PRKCI: variants seen among roughly 807,000 people sequenced by gnomAD.
The protein encoded by PRKCI is protein kinase C iota type.
In PRKCI, 43 loss-of-function variants were observed where a neutral mutation model predicts 84.0. The observed-to-expected ratio is 0.51, with a 90% confidence interval of 0.40 to 0.66. The LOEUF (loss-of-function observed/expected upper bound fraction) is 0.66, where lower values mean the gene tolerates loss of function less well. Among genes scored for constraint, PRKCI ranks in the 30% least tolerant of loss-of-function variants. The pLI is 0.00. For synonymous variants in PRKCI, 216 were observed against 234.4 expected, an observed-to-expected ratio of 0.92 and a Z score of 0.72; for missense variants, 459 against 745.6, an observed-to-expected ratio of 0.62 and a Z score of 4.48.
chr3:170,259,826 G>C (rs1043648105), intron 2 of PRKCI, 143 bp from the exon 3 acceptor site: 2 of 413,324 alleles, frequency 4.8e-6, no homozygotes, highest in African/African-American at 4.2e-5. Flanking sequence ...ATAATAATAA[G>C]TAAATAAATA....
At chr3:170,241,032 A>G (rs1224415800) in intron 2 of PRKCI, among the ~76,000 whole-genome samples, 2 of 152,190 alleles carry the variant, frequency 1.3e-5, no homozygotes, top group African/African-American at 4.8e-5. Context: ...TAACAAATGT[A>G]AGTTTTCAGT....
At chr3:170,289,667 C>CTTTT (rs1176163807) in intron 12 of PRKCI, among the ~76,000 whole-genome samples, 1 of 152,102 alleles carries the variant, frequency 6.6e-6, no homozygotes, top group Non-Finnish European at 1.5e-5. Flanking sequence ...AATCCCAGCA[C>CTTTT]TTTGGGAGGC....
intron 2 of PRKCI, among the ~76,000 whole-genome samples, chr3:170,257,397 C>G (rs1311140884): frequency 6.6e-6 from 1 of 152,020 alleles, no homozygotes; most frequent in Non-Finnish European, 1.5e-5. Flanking sequence ...TGGGCTAAAA[C>G]CTGGCAGCAG....
At chr3:170,235,205 A>G (rs1477230119) in intron 1 of PRKCI, 25 bp from the exon 2 acceptor site, 5 of 1,606,736 alleles carry the variant, frequency 3.1e-6, no homozygotes, top group Non-Finnish European at 4.3e-6. Context: ...TCATTTTCAA[A>G]CTGAAAACTC....
rs1307543818 is a variant in PRKCI, at chr3:170,263,404, T to C, written c.339T>C (p.Pro113=). 1.2e-6 allele frequency: 2 copies of C among 1,603,008 alleles called. No individual in the cohort carries two copies. Among genetic ancestry groups the C allele is most frequent in the African/African-American group, 1.3e-5 (1 of 74,710 alleles). ...IHVFPCVPER[P]GMPCPGEDKS... is the part of the protein sequence containing the mutation. ...TGTTCCCTTGTGTACCAGAACGTCC[T>C]GGGATGCCTTGTCCAGGAGAAGATA... is the stretch of plus-strand genomic sequence containing the variant. The change falls in exon 4 of 18, where the codon CCT becomes CCC. Residue 113 remains proline, a synonymous_variant. Transcript: ENST00000295797.
rs116267674 is a variant in PRKCI at position 170,226,464 on chromosome 3, A to T, written c.101+3694A>T. Among the ~76,000 whole-genome samples the T allele has an allele frequency of 5.1e-3, 770 of 152,326 alleles. 5 individuals carry two copies. Among genetic ancestry groups the T allele is most frequent in the African/African-American group, 0.018 (737 of 41,570 alleles). The stretch of plus-strand genomic sequence containing the variant: ...ATATAAAATTACTTGCTATTATGGG[A>T]TAGACTTTAACAAGGCAACATCTGG... On this transcript the variant is annotated intron_variant, in intron 1 of 17. Transcript: ENST00000295797.
intron 12 of PRKCI, among the ~76,000 whole-genome samples, chr3:170,285,783 C>T (rs886916162): frequency 1.3e-5 from 2 of 150,876 alleles, no homozygotes; most frequent in African/African-American, 2.4e-5. Context: ...CTCGCTCTGT[C>T]GTCCAGGCTG....
At position 170,267,972 on chromosome 3, in the gene PRKCI, A is replaced by G; in HGVS notation, c.422A>G (p.His141Arg). 1 of 1,613,036 alleles carries G rather than the reference A, an allele frequency of 6.2e-7. No individual in the cohort carries two copies. The highest frequency in any genetic ancestry group is 8.5e-7 in the Non-Finnish European group (1 of 1,179,572). ...RWRKLYCANG[H>R]TFQAKRFNRR... The stretch of plus-strand genomic sequence containing the variant: ...AGAAAGCTTTATTGTGCCAATGGCC[A>G]CACTTTCCAAGCCAAGCGTTTCAAC... Residue 141 changes from histidine to arginine, a missense_variant, in exon 5 of 18, where the codon CAC becomes CGC. Around this residue, in one of 2 missense-constraint regions of PRKCI, gnomAD observed 250 missense variants for 319.7 expected, o/e 0.78. Coordinates refer to ENST00000295797, the MANE Select transcript of PRKCI (RefSeq NM_002740.6).
intron 7 of PRKCI, among the ~76,000 whole-genome samples, chr3:170,275,016 C>T (rs1734079260): frequency 6.6e-6 from 1 of 152,024 alleles, no homozygotes; most frequent in African/African-American, 2.4e-5. Flanking sequence ...TCTCTTTACC[C>T]TCACTAAAGA....
chr3:170,232,249 C>T (rs1352719584), intron 1 of PRKCI, among the ~76,000 whole-genome samples: 1 of 152,102 alleles, frequency 6.6e-6, no homozygotes, highest in Non-Finnish European at 1.5e-5. Flanking sequence ...CAAGGTCTCC[C>T]TGTGTTGCCC....
At chr3:170,285,228 T>C (rs778472092) in intron 12 of PRKCI, among the ~76,000 whole-genome samples, 2 of 151,734 alleles carry the variant, frequency 1.3e-5, no homozygotes, top group African/African-American at 2.4e-5. Flanking sequence ...TACAGGCGCC[T>C]GCCACCACGC....
chr3:170,259,834 A>G (rs972568282), intron 2 of PRKCI, 135 bp from the exon 3 acceptor site: 1 of 439,608 alleles, frequency 2.3e-6, no homozygotes, highest in East Asian at 3.8e-5. Flanking sequence ...AAGTAAATAA[A>G]TATTTGTCCT....
At chr3:170,292,901 C>T (rs1235723849) in intron 13 of PRKCI, among the ~76,000 whole-genome samples, 1 of 148,802 alleles carries the variant, frequency 6.7e-6, no homozygotes, top group Non-Finnish European at 1.5e-5. Context: ...ATTAGCCGGG[C>T]GTGTTCACAG....
At chr3:170,263,304 AT>A in intron 3 of PRKCI, 74 bp from the exon 4 acceptor site, 1 of 1,315,154 alleles carries the variant, frequency 7.6e-7, no homozygotes, top group Non-Finnish European at 1.1e-6. Context: ...TTTCTTTTAC[AT>A]TTGAATTTTA....
intron 2 of PRKCI, among the ~76,000 whole-genome samples, chr3:170,257,545 C>G (rs952518622): frequency 3.3e-5 from 5 of 152,018 alleles, no homozygotes; most frequent in African/African-American, 4.8e-5. Context: ...GAAAAAAAAC[C>G]CTGCCCCTTT....
chr3:170,223,470 G>A (rs1299888701), intron 1 of PRKCI, among the ~76,000 whole-genome samples: 1 of 152,156 alleles, frequency 6.6e-6, no homozygotes, highest in Non-Finnish European at 1.5e-5. Context: ...AAGGTGAGGA[G>A]ACTAGCCTAG....
chr3:170,287,133 G>A (rs1217991905), intron 12 of PRKCI, among the ~76,000 whole-genome samples: 4 of 151,904 alleles, frequency 2.6e-5, no homozygotes, highest in Non-Finnish European at 1.5e-5. Context: ...TCAGAAGTTC[G>A]ACACCAGCCT....
At chr3:170,263,304 A>C in intron 3 of PRKCI, 75 bp from the exon 4 acceptor site, 1 of 1,315,154 alleles carries the variant, frequency 7.6e-7, no homozygotes, top group Non-Finnish European at 1.1e-6. Flanking sequence ...TTTCTTTTAC[A>C]TTTGAATTTT....
In PRKCI at chr3:170,280,221, C is replaced by T; in HGVS notation, c.706-6C>T. On this transcript the variant is annotated splice_region_variant and splice_polypyrimidine_tract_variant and intron_variant, in intron 8 of 17. Transcript: ENST00000295797. The stretch of plus-strand genomic sequence containing the variant: ...ATTATAACTCTGATACAAATGTTCT[C>T]AACAGGCAATGAACACCAGGGAAAG... 6.2e-7 allele frequency: 1 copy of T among 1,607,208 alleles called. No individual in the cohort carries two copies. The highest frequency in any genetic ancestry group is 8.5e-7 in the Non-Finnish European group (1 of 1,178,008).
Sources: gnomAD v4.1 joint callset for allele counts (sites outside exome capture counted in the v4.1 genomes callset) on GRCh38, gnomAD v4.1.1 for gene constraint, gnomAD v4.1.1 regional missense constraint, MANE v1.5 for transcripts, NCBI Gene and HGNC (gene_info 2026-07-23, HGNC 2026-07-21) for gene names.